The following PIGL variants were observed in gnomAD, a reference collection of about 807,000 sequenced individuals.
PIGL encodes the protein N-acetylglucosaminyl-phosphatidylinositol de-N-acetylase.
In PIGL, 22 loss-of-function variants were observed where a neutral mutation model predicts 31.1. The observed-to-expected ratio is 0.71, with a 90% confidence interval of 0.51 to 1.01. The LOEUF (loss-of-function observed/expected upper bound fraction) is 1.01. Ranked by LOEUF, PIGL falls within the 50% of genes least tolerant of loss-of-function variation. PIGL has a pLI of 0.00. For synonymous variants in PIGL, 131 were observed against 117.4 expected, an observed-to-expected ratio of 1.12 and a Z score of -0.75; for missense variants, 302 against 315.9, an observed-to-expected ratio of 0.96 and a Z score of 0.33.
rs375803450 is a variant in PIGL at position 16,258,596 on chromosome 17, C to T, written c.335+24526C>T. 7.9e-5 allele frequency among the ~76,000 whole-genome samples: 12 copies of T among 152,066 alleles called. No homozygotes were observed. The East Asian group carries it at 9.7e-4, about 12-fold the overall frequency. On this transcript the variant is annotated intron_variant, in intron 2 of 6. Coordinates refer to ENST00000225609, the MANE Select transcript of PIGL (RefSeq NM_004278.4). The stretch of plus-strand genomic sequence containing the variant: ...TCAGCTCACTGCAACCTCCGCCTCC[C>T]GGGCCCAAGCGATTCTCCTGCCTCA...
intron 6 of PIGL, among the ~76,000 whole-genome samples, chr17:16,320,368 G>C (rs949814064): frequency 2.2e-5 from 3 of 137,038 alleles, no homozygotes; most frequent in African/African-American, 8.2e-5. Context: ...AAGGAAGAGA[G>C]AGAGGAAAGA....
chr17:16,307,986 G>C (rs2093033187), intron 3 of PIGL, among the ~76,000 whole-genome samples: 1 of 150,530 alleles, frequency 6.6e-6, no homozygotes, highest in Non-Finnish European at 1.5e-5. Context: ...AAAAAGCCTG[G>C]ATGCAGTGGC....
chr17:16,229,143 GGCGAGT>G (rs1568779844), intron 1 of PIGL, among the ~76,000 whole-genome samples: 1 of 152,026 alleles, frequency 6.6e-6, no homozygotes, highest in East Asian at 1.9e-4. Context: ...CAGTCTGGGT[GGCGAGT>G]GCCTATAGTC....
rs192281914 is a variant in PIGL at position 16,291,111 on chromosome 17, A to G, written c.336-8777A>G. Among the ~76,000 whole-genome samples, 9 of 152,384 alleles carry G rather than the reference A, an allele frequency of 5.9e-5. No homozygotes were observed. The East Asian group carries it at 1.7e-3, about 29-fold the overall frequency. The stretch of plus-strand genomic sequence containing the variant: ...ACAAGATAAAATTGTGGTCTTTACC[A>G]TATGTGCATTCTTTTATATTCTCAG... On this transcript the variant is annotated intron_variant, in intron 2 of 6. Coordinates refer to ENST00000225609, the MANE Select transcript of PIGL (RefSeq NM_004278.4).
At chr17:16,277,510 C>T in intron 2 of PIGL, among the ~76,000 whole-genome samples, 1 of 148,884 alleles carries the variant, frequency 6.7e-6, no homozygotes, top group East Asian at 1.9e-4. Context: ...CGTTTTAAGC[C>T]AAAAGTTAAA....
At chr17:16,284,829 C>T (rs1568822201) in intron 2 of PIGL, among the ~76,000 whole-genome samples, 1 of 152,202 alleles carries the variant, frequency 6.6e-6, no homozygotes, top group Non-Finnish European at 1.5e-5. Context: ...GTCTCCATTA[C>T]AGCTGGCTCT....
chr17:16,262,236 C>T (rs1416166392), intron 2 of PIGL, among the ~76,000 whole-genome samples: 1 of 152,044 alleles, frequency 6.6e-6, no homozygotes, highest in Admixed American at 6.6e-5. Context: ...AGAAAAAAGA[C>T]AATCCAATTG....
At chr17:16,221,519 G>A (rs1262801666) in intron 1 of PIGL, among the ~76,000 whole-genome samples, 2 of 150,344 alleles carry the variant, frequency 1.3e-5, no homozygotes, top group Non-Finnish European at 3.0e-5. Context: ...GCGCAATCTT[G>A]GGTCACTGCA....
At position 16,317,504 on chromosome 17, in the gene PIGL, G is replaced by C. The variant is rs1419600641; in HGVS notation, c.527-271G>C. 3 of 1,190,050 alleles carry C rather than the reference G, an allele frequency of 2.5e-6. No homozygotes were observed. In the African/African-American group the frequency reaches 4.6e-5, roughly 18 times the overall value. 73.7% of individuals were successfully genotyped at this position (1,190,050 alleles called of 1,614,324 possible). On this transcript the variant is annotated intron_variant, in intron 5 of 6. Coordinates refer to ENST00000225609, the MANE Select transcript of PIGL (RefSeq NM_004278.4). ...CTTTACTTCCTTTGGCTTTGAGGTA[G>C]CCAGATCTCAACCTCTAGCAGCCAA...
rs746424984 is a variant in PIGL at position 16,316,785 on chromosome 17, A to G, written c.526+73A>G. Reference sequence around the variant, plus strand: ...AGAAACTTATGAGGGGGAAATTTGCAAATCCACAGAGAGCTGCCCTCAGCC... The same window carrying G: ...AGAAACTTATGAGGGGGAAATTTGCGAATCCACAGAGAGCTGCCCTCAGCC... On this transcript the variant is annotated intron_variant, in intron 5 of 6. Coordinates refer to ENST00000225609, the MANE Select transcript of PIGL (RefSeq NM_004278.4). 33 of 1,595,904 alleles carry G rather than the reference A, an allele frequency of 2.1e-5. No homozygotes were observed. The South Asian group carries it at 3.7e-4, about 18-fold the overall frequency.
At chr17:16,274,561 A>G (rs142772966) in intron 2 of PIGL, among the ~76,000 whole-genome samples, 129 of 151,766 alleles carry the variant, frequency 8.5e-4, no homozygotes, top group African/African-American at 3.0e-3. Flanking sequence ...CGTCTCTACT[A>G]AAAATACTAA....
chr17:16,237,582 C>T (rs1242157108), intron 2 of PIGL, among the ~76,000 whole-genome samples: 1 of 151,598 alleles, frequency 6.6e-6, no homozygotes, highest in Admixed American at 6.6e-5. Flanking sequence ...GGACAGATCG[C>T]TTGAGCCTAG....
intron 3 of PIGL, among the ~76,000 whole-genome samples, chr17:16,306,367 T>A (rs1482918336): frequency 6.6e-6 from 1 of 152,114 alleles, no homozygotes; most frequent in African/African-American, 2.4e-5. Context: ...TTGAAATAAC[T>A]TCCAGTAGTA....
At chr17:16,317,629 AG>A (rs1191982478) in intron 5 of PIGL, 145 bp from the exon 6 acceptor site, 28 of 1,477,460 alleles carry the variant, frequency 1.9e-5, no homozygotes, top group Admixed American at 9.1e-5. Flanking sequence ...GGCACAGGGC[AG>A]CTTTAGTGCC....
intron 2 of PIGL, among the ~76,000 whole-genome samples, chr17:16,260,420 C>T (rs931168906): frequency 1.3e-5 from 2 of 152,194 alleles, no homozygotes; most frequent in Admixed American, 6.5e-5. Flanking sequence ...CCATAAAAAC[C>T]TCAGTCTCAG....
intron 2 of PIGL, among the ~76,000 whole-genome samples, chr17:16,237,746 C>T (rs1294009560): frequency 6.9e-6 from 1 of 145,064 alleles, no homozygotes; most frequent in African/African-American, 2.6e-5. Context: ...CTGCAGTGAG[C>T]CAAGATCATG....
intron 3 of PIGL, among the ~76,000 whole-genome samples, chr17:16,300,587 C>T (rs1456259243): frequency 6.6e-6 from 1 of 150,700 alleles, no homozygotes; most frequent in African/African-American, 2.4e-5. Flanking sequence ...GGCTGAGGCT[C>T]GAGAATCGCT....
At position 16,217,461 on chromosome 17, in the gene PIGL, G is replaced by GGTAGGAGGCC. The variant is rs774087321; in HGVS notation, c.235+1_235+10dup. The stretch of plus-strand genomic sequence containing the variant: ...GGTGTACCTGCTTTGCTTCTCTGCA[G>GGTAGGAGGCC]GTAGGAGGCCATAGGAGGGGCGATG... On this transcript the variant is annotated frameshift_variant and splice_region_variant. Coordinates refer to ENST00000225609, the MANE Select transcript of PIGL (RefSeq NM_004278.4). LOFTEE classifies it high-confidence loss of function. 3.2e-5 allele frequency: 52 copies of GGTAGGAGGCC among 1,612,010 alleles called. No homozygotes were observed. The Admixed American group carries it at 8.7e-4, about 27-fold the overall frequency.
intron 3 of PIGL, among the ~76,000 whole-genome samples, chr17:16,310,034 C>T (rs1178089864): frequency 1.5e-5 from 2 of 136,348 alleles, no homozygotes; most frequent in Non-Finnish European, 3.0e-5. Flanking sequence ...GCCAAGATCG[C>T]ACCACTGCAC....
Sources: allele counts gnomAD v4.1 joint callset (sites outside exome capture counted in the v4.1 genomes callset), GRCh38; gene constraint gnomAD v4.1.1; transcripts MANE v1.5; gene names NCBI Gene and HGNC (gene_info 2026-07-23, HGNC 2026-07-21).